Variants in LCLAT1 observed in about 807,000 individuals in gnomAD.
The protein encoded by LCLAT1 is 1-AGP acyltransferase 8.
Under a neutral mutation model 30.7 loss-of-function variants are expected in LCLAT1, and 11 were observed. The observed-to-expected ratio is 0.36, with a 90% CI of 0.23 to 0.59. The LOEUF (loss-of-function observed/expected upper bound fraction) is 0.59. Ranked by LOEUF, LCLAT1 falls within the 20% of genes least tolerant of loss-of-function variation. The pLI, the probability that LCLAT1 is intolerant of heterozygous loss-of-function variation, is 0.77. For missense variants in LCLAT1, 402 were observed against 458.6 expected, an observed-to-expected ratio of 0.88 and a Z score of 1.13; for synonymous variants, 155 against 151.3, an observed-to-expected ratio of 1.02 and a Z score of -0.18.
intron 5 of LCLAT1, among the ~76,000 whole-genome samples, chr2:30,574,786 G>A (rs1665923923): frequency 6.6e-6 from 1 of 152,196 alleles, no homozygotes; most frequent in Non-Finnish European, 1.5e-5. Context: ...ATGAAGCGCT[G>A]CAGAGTCAAG....
intron 1 of LCLAT1, among the ~76,000 whole-genome samples, chr2:30,473,419 G>A (rs1257550910): frequency 6.6e-6 from 1 of 152,144 alleles, no homozygotes; most frequent in Non-Finnish European, 1.5e-5. Flanking sequence ...AAGCTTAAAA[G>A]CCACCTGATT....
chr2:30,594,489 T>C (rs1666841963), intron 5 of LCLAT1, among the ~76,000 whole-genome samples: 1 of 152,176 alleles, frequency 6.6e-6, no homozygotes, highest in South Asian at 2.1e-4. Context: ...TCTTTTTTGG[T>C]TTGTTTTCTT....
rs189728026 is a variant in LCLAT1 at position 30,597,975 on chromosome 2, A to G, written c.628+29799A>G. ...TTGCATTATGTTGAACCAGCCTTGC[A>G]TCCCAGGGATGAAGCCAACTTGATC... On this transcript the variant is annotated intron_variant, in intron 5 of 5. Coordinates refer to ENST00000379509, the MANE Select transcript of LCLAT1 (RefSeq NM_001002257.3). Among the ~76,000 whole-genome samples, 102 of 152,336 alleles carry G rather than the reference A, an allele frequency of 6.7e-4. 1 individual carries two copies. The East Asian group carries it at 0.011, about 17-fold the overall frequency.
At chr2:30,589,580 A>G (rs1350775544) in intron 5 of LCLAT1, among the ~76,000 whole-genome samples, 1 of 152,210 alleles carries the variant, frequency 6.6e-6, no homozygotes, top group African/African-American at 2.4e-5. Flanking sequence ...TCTCCTGTTC[A>G]TCTGATTCCT....
At position 30,582,737 on chromosome 2, in the gene LCLAT1, C is replaced by T. The variant is rs117091661; in HGVS notation, c.628+14561C>T. On this transcript the variant is annotated intron_variant, in intron 5 of 5. Coordinates refer to ENST00000379509, the MANE Select transcript of LCLAT1 (RefSeq NM_001002257.3). ...GAACTTTGTGTACCAAGTGCAACAT[C>T]ATATTCTATTGGCCCTATAACGTTT... Among the ~76,000 whole-genome samples the T allele has an allele frequency of 1.4e-3, 215 of 152,346 alleles. 2 individuals are homozygous for T. In the East Asian group the frequency reaches 0.034, roughly 24 times the overall value.
At chr2:30,566,997 A>G (rs1295234150) in intron 4 of LCLAT1, among the ~76,000 whole-genome samples, 3 of 152,230 alleles carry the variant, frequency 2.0e-5, no homozygotes, top group African/African-American at 7.2e-5. Context: ...TGCCTGAGCA[A>G]GGCAGATATT....
intron 5 of LCLAT1, among the ~76,000 whole-genome samples, chr2:30,592,410 G>A (rs1022251558): frequency 5.9e-5 from 9 of 152,138 alleles, no homozygotes; most frequent in African/African-American, 2.2e-4. Flanking sequence ...AGCTTGCTTG[G>A]GAGGTCGAGG....
At chr2:30,490,791 G>A (rs372145461) in intron 1 of LCLAT1, among the ~76,000 whole-genome samples, 28 of 152,220 alleles carry the variant, frequency 1.8e-4, no homozygotes, top group East Asian at 1.7e-3. Flanking sequence ...ACACCTATGC[G>A]CAGAAGTATA....
intron 1 of LCLAT1, among the ~76,000 whole-genome samples, chr2:30,456,698 G>A (rs1040604995): frequency 2.6e-5 from 4 of 151,988 alleles, no homozygotes; most frequent in Non-Finnish European, 4.4e-5. Flanking sequence ...TGTGGTATAC[G>A]ATGAGGCAAA....
At chr2:30,504,601 T>C (rs1684567233) in intron 1 of LCLAT1, among the ~76,000 whole-genome samples, 1 of 152,186 alleles carries the variant, frequency 6.6e-6, no homozygotes, top group Non-Finnish European at 1.5e-5. Flanking sequence ...TACCTTAACA[T>C]TAATCTTTTT....
At chr2:30,484,640 G>A (rs1049003561) in intron 1 of LCLAT1, among the ~76,000 whole-genome samples, 2 of 152,112 alleles carry the variant, frequency 1.3e-5, no homozygotes, top group African/African-American at 4.8e-5. Context: ...TTTGTCCAGA[G>A]CTTAGAGGAA....
chr2:30,592,904 TTTATC>T (rs1431787311), intron 5 of LCLAT1, among the ~76,000 whole-genome samples: 1 of 152,194 alleles, frequency 6.6e-6, no homozygotes, highest in Non-Finnish European at 1.5e-5. Flanking sequence ...ACCTCAAACA[TTTATC>T]TTTTCACATT....
At chr2:30,573,735 A>C (rs1665881043) in intron 5 of LCLAT1, among the ~76,000 whole-genome samples, 1 of 152,038 alleles carries the variant, frequency 6.6e-6, no homozygotes, top group Non-Finnish European at 1.5e-5. Context: ...GCTATATGTA[A>C]ATTTTTCTTA....
At chr2:30,449,714 A>C (rs1662946) in intron 1 of LCLAT1, among the ~76,000 whole-genome samples, 1 of 152,018 alleles carries the variant, frequency 6.6e-6, no homozygotes, top group Non-Finnish European at 1.5e-5. Context: ...TGGTCAGGCT[A>C]GTCTTGAGCT....
In LCLAT1 at chr2:30,465,000, A is replaced by G. The variant is rs545669115; in HGVS notation, c.-5+17617A>G. On this transcript the variant is annotated intron_variant, in intron 1 of 5. Transcript: ENST00000379509. ...GCTGGGATTACAGGCATGAGCCACC[A>G]TGCCTGGCCAGGCCTGTTAGGTTTT... is the stretch of plus-strand genomic sequence containing the variant. 2.6e-5 allele frequency among the ~76,000 whole-genome samples: 4 copies of G among 152,260 alleles called. No homozygotes were observed. The South Asian group carries it at 8.3e-4, about 32-fold the overall frequency.
intron 3 of LCLAT1, among the ~76,000 whole-genome samples, chr2:30,556,640 G>A (rs563646376): frequency 1.3e-5 from 2 of 152,106 alleles, no homozygotes; most frequent in Non-Finnish European, 2.9e-5. Flanking sequence ...TATCTCTGCT[G>A]TAGAGCAGTG....
chr2:30,543,053 G>T (rs1664223735), intron 3 of LCLAT1, among the ~76,000 whole-genome samples: 1 of 150,812 alleles, frequency 6.6e-6, no homozygotes, highest in South Asian at 2.1e-4. Context: ...CCTGATGTTA[G>T]GTAGAAAGCT....
At chr2:30,608,624 A>G (rs993986413) in intron 5 of LCLAT1, among the ~76,000 whole-genome samples, 1 of 152,066 alleles carries the variant, frequency 6.6e-6, no homozygotes, top group Non-Finnish European at 1.5e-5. Context: ...TTATGTTACA[A>G]TTGCCAACAA....
At chr2:30,481,812 T>G (rs139480089) in intron 1 of LCLAT1, among the ~76,000 whole-genome samples, 165 of 152,342 alleles carry the variant, frequency 1.1e-3, no homozygotes, top group African/African-American at 3.8e-3. Context: ...ATGTATACTT[T>G]GCTACCCCAG....
Sources: gnomAD v4.1 joint callset for allele counts (sites outside exome capture counted in the v4.1 genomes callset) on GRCh38, gnomAD v4.1.1 for gene constraint, MANE v1.5 for transcripts, NCBI Gene and HGNC (gene_info 2026-07-23, HGNC 2026-07-21) for gene names.